Variants in RASSF8 observed in about 807,000 individuals in gnomAD.
RASSF8 encodes ras association domain-containing protein 8.
RASSF8 carries 22 observed loss-of-function variants against 48.5 expected under a neutral mutation model. The observed-to-expected ratio is 0.45, with a 90% CI of 0.32 to 0.65. RASSF8 has a LOEUF of 0.65. RASSF8 is among the 30% of genes least tolerant of loss of function. The pLI is 0.03. For synonymous variants in RASSF8, 127 were observed against 171.5 expected (o/e 0.74, Z 2.03); for missense variants, 418 against 489.2 (o/e 0.85, Z 1.37).
intron 2 of RASSF8, among the ~76,000 whole-genome samples, chr12:26,026,649 T>C (rs543272268): frequency 6.6e-6 from 1 of 152,308 alleles, no homozygotes; most frequent in Non-Finnish European, 1.5e-5. Context: ...TTGCCCAGGC[T>C]GGTCTTGAAC....
At chr12:25,962,872 T>C (rs1025950619) in intron 1 of RASSF8, among the ~76,000 whole-genome samples, 29 of 152,234 alleles carry the variant, frequency 1.9e-4, no homozygotes, top group Non-Finnish European at 2.4e-4. Flanking sequence ...TAAAAATGCA[T>C]GTAGGTTCTG....
chr12:25,971,419 G>A (rs934285585), intron 1 of RASSF8, among the ~76,000 whole-genome samples: 3 of 151,838 alleles, frequency 2.0e-5, no homozygotes, highest in African/African-American at 7.3e-5. Context: ...ACTAACATTG[G>A]GCCAAGTTCC....
chr12:25,996,998 C>G (rs933593323), intron 2 of RASSF8, among the ~76,000 whole-genome samples: 5 of 152,066 alleles, frequency 3.3e-5, no homozygotes, highest in African/African-American at 1.2e-4. Context: ...TAATTTCTTG[C>G]AATCAGAATA....
intron 1 of RASSF8, among the ~76,000 whole-genome samples, chr12:25,980,063 C>T (rs1484931016): frequency 6.6e-6 from 1 of 152,174 alleles, no homozygotes; most frequent in Non-Finnish European, 1.5e-5. Context: ...GAAACTAGCT[C>T]CTATCCTTAA....
At chr12:25,979,762 G>C (rs2136901454) in intron 1 of RASSF8, among the ~76,000 whole-genome samples, 1 of 152,280 alleles carries the variant, frequency 6.6e-6, no homozygotes, top group Middle Eastern at 3.4e-3. Flanking sequence ...CACTGTAGAG[G>C]AGAGAGGTTG....
chr12:26,051,473 T>C (rs957336455), intron 2 of RASSF8, among the ~76,000 whole-genome samples: 49 of 152,312 alleles, frequency 3.2e-4, no homozygotes, highest in African/African-American at 1.2e-3. Flanking sequence ...CTTTATGTGT[T>C]TTTTTCTGTT....
intron 3 of RASSF8, among the ~76,000 whole-genome samples, chr12:26,063,809 C>G (rs909420966): frequency 6.6e-6 from 1 of 151,990 alleles, no homozygotes. Context: ...CTCTTCAGGC[C>G]CCTCTTTTTA....
intron 5 of RASSF8, chr12:26,078,942 CT>C: frequency 8.2e-7 from 1 of 1,223,644 alleles, no homozygotes; most frequent in Non-Finnish European, 1.1e-6. Flanking sequence ...CAAACTAAAG[CT>C]AGTAATTGAG....
chr12:26,052,914 T>C (rs1943522817), intron 2 of RASSF8: 1 of 152,188 alleles, frequency 6.6e-6, no homozygotes, highest in African/African-American at 2.4e-5. Flanking sequence ...TAGGAAAATA[T>C]GTGGCAGTAT....
chr12:26,020,690 A>G (rs568596751), intron 2 of RASSF8, among the ~76,000 whole-genome samples: 25 of 152,328 alleles, frequency 1.6e-4, no homozygotes, highest in African/African-American at 5.1e-4. Context: ...AAAGACTACC[A>G]TTTAATACAC....
intron 2 of RASSF8, among the ~76,000 whole-genome samples, chr12:26,033,603 C>CT (rs1943072224): frequency 1.3e-5 from 2 of 151,128 alleles, no homozygotes; most frequent in South Asian, 4.2e-4. Flanking sequence ...TGTTGGGTTT[C>CT]TTTTTTTTAA....
chr12:26,009,239 G>C (rs574306375), intron 2 of RASSF8, among the ~76,000 whole-genome samples: 1 of 152,276 alleles, frequency 6.6e-6, no homozygotes, highest in African/African-American at 2.4e-5. Context: ...ACTCATGATG[G>C]AATTTTGTGC....
chr12:26,030,853 C>A (rs1040858323), intron 2 of RASSF8, among the ~76,000 whole-genome samples: 4 of 152,116 alleles, frequency 2.6e-5, no homozygotes, highest in African/African-American at 9.7e-5. Context: ...GCAATATGGT[C>A]CCTGTTGTTA....
chr12:26,073,805 C>T (rs1241327604), downstream of RASSF8, among the ~76,000 whole-genome samples: 1 of 106,086 alleles, frequency 9.4e-6, no homozygotes, highest in Non-Finnish European at 1.8e-5. Flanking sequence ...TGTATACACA[C>T]ACATATATAT....
intron 2 of RASSF8, among the ~76,000 whole-genome samples, chr12:26,019,372 C>T (rs1451560582): frequency 1.3e-5 from 2 of 151,980 alleles, no homozygotes; most frequent in Non-Finnish European, 1.5e-5. Flanking sequence ...CCCAAATCGC[C>T]TGCCTTAATA....
chr12:25,999,575 A>T (rs1202511482), intron 2 of RASSF8, among the ~76,000 whole-genome samples: 1 of 152,136 alleles, frequency 6.6e-6, no homozygotes, highest in Non-Finnish European at 1.5e-5. Flanking sequence ...AAAAATTTTT[A>T]AAAATCAGCT....
intron 1 of RASSF8, among the ~76,000 whole-genome samples, chr12:25,970,668 C>T (rs1404170906): frequency 2.0e-5 from 3 of 152,250 alleles, no homozygotes; most frequent in Non-Finnish European, 1.5e-5. Context: ...CAGACTGTTA[C>T]GATACACAGG....
At chr12:26,079,079 A>G in exon 6 of RASSF8, 1 of 1,542,472 alleles carries the variant, frequency 6.5e-7, no homozygotes. Context: ...ATTAGATATC[A>G]CACCAAAAGC....
chr12:26,017,087 G>A (rs1942669132), intron 2 of RASSF8, among the ~76,000 whole-genome samples: 2 of 151,890 alleles, frequency 1.3e-5, no homozygotes, highest in Admixed American at 1.3e-4. Context: ...TTTCATATGG[G>A]AATAAAAAGC....
Sources: gnomAD v4.1 joint callset for allele counts (sites outside exome capture counted in the v4.1 genomes callset) on GRCh38, gnomAD v4.1.1 for gene constraint, MANE v1.5 for transcripts, NCBI Gene and HGNC (gene_info 2026-07-23, HGNC 2026-07-21) for gene names.